The following EMCN variants were observed in gnomAD, a reference collection of about 807,000 sequenced individuals.
EMCN encodes MUC-14.
A neutral mutation model predicts 38.4 loss-of-function variants in EMCN; 37 were observed. That is an observed-to-expected ratio of 0.96 (90% confidence interval 0.74 to 1.27). The LOEUF (loss-of-function observed/expected upper bound fraction) is 1.27, where lower values mean the gene tolerates loss of function less well. EMCN is among the 50% of genes most tolerant of loss of function. The pLI is 0.00. For synonymous variants in EMCN, 95 were observed against 100.8 expected (o/e 0.94, Z 0.35); for missense variants, 318 against 302.8 (o/e 1.05, Z -0.37).
At chr4:100,420,386 A>T (rs1451004465) in intron 8 of EMCN, among the ~76,000 whole-genome samples, 1 of 152,002 alleles carries the variant, frequency 6.6e-6, no homozygotes, top group Non-Finnish European at 1.5e-5. Context: ...GGTAAGTTGG[A>T]GATTAGGTAT....
intron 4 of EMCN, among the ~76,000 whole-genome samples, chr4:100,457,293 T>C (rs1387802580): frequency 2.0e-5 from 3 of 152,044 alleles, no homozygotes; most frequent in Admixed American, 1.3e-4. Context: ...TCTATATGAC[T>C]GCTTTTAATT....
chr4:100,479,788 C>T (rs879684904), intron 2 of EMCN, 129 bp downstream of exon 2: 1 of 742,534 alleles, frequency 1.3e-6, no homozygotes, highest in Non-Finnish European at 2.0e-6. Context: ...ATTTCAAAAT[C>T]GTGAAATAGC....
chr4:100,465,147 T>C (rs1728279407), intron 4 of EMCN, among the ~76,000 whole-genome samples: 1 of 152,002 alleles, frequency 6.6e-6, no homozygotes, highest in Non-Finnish European at 1.5e-5. Context: ...AGTTGTCTAA[T>C]TTTTTGGCTG....
intron 4 of EMCN, among the ~76,000 whole-genome samples, chr4:100,455,572 C>T (rs1159799517): frequency 7.0e-6 from 1 of 143,088 alleles, no homozygotes; most frequent in Non-Finnish European, 1.5e-5. Flanking sequence ...ATGCATTGTT[C>T]CTGATGAGTC....
intron 4 of EMCN, among the ~76,000 whole-genome samples, chr4:100,450,739 G>A (rs529275777): frequency 6.6e-6 from 1 of 151,748 alleles, no homozygotes; most frequent in African/African-American, 2.4e-5. Context: ...TAATTAAATC[G>A]CATATGAGAA....
intron 1 of EMCN, among the ~76,000 whole-genome samples, chr4:100,495,765 G>A (rs576864691): frequency 6.6e-6 from 1 of 152,054 alleles, no homozygotes; most frequent in African/African-American, 2.4e-5. Flanking sequence ...AACTTTTATA[G>A]CATTAACATT....
chr4:100,403,076 T>G (rs995512214), intron 11 of EMCN, among the ~76,000 whole-genome samples: 48 of 152,260 alleles, frequency 3.2e-4, no homozygotes, highest in African/African-American at 1.1e-3. Context: ...TCCTTTTTTT[T>G]CCTTTAAAAC....
chr4:100,423,499 C>A, intron 5 of EMCN, 95 bp from the exon 6 acceptor site: 1 of 805,534 alleles, frequency 1.2e-6, no homozygotes, highest in Non-Finnish European at 2.2e-6. Context: ...TTCTGAAGAT[C>A]TGTGAAAACT....
intron 7 of EMCN, among the ~76,000 whole-genome samples, chr4:100,421,681 C>T (rs1224208229): frequency 6.6e-6 from 1 of 151,948 alleles, no homozygotes; most frequent in Non-Finnish European, 1.5e-5. Flanking sequence ...AGAAGATGTA[C>T]TCTAGATTAT....
At chr4:100,403,264 G>C (rs937938799) in intron 11 of EMCN, among the ~76,000 whole-genome samples, 1 of 151,946 alleles carries the variant, frequency 6.6e-6, no homozygotes, top group Non-Finnish European at 1.5e-5. Context: ...TTTAGTGCTT[G>C]GCACCCCCTT....
At chr4:100,435,389 T>C (rs972121917) in intron 5 of EMCN, among the ~76,000 whole-genome samples, 1 of 152,056 alleles carries the variant, frequency 6.6e-6, no homozygotes, top group Non-Finnish European at 1.5e-5. Flanking sequence ...CACAAACAAA[T>C]GGAAAAACAT....
At chr4:100,400,287 T>C in intron 11 of EMCN, among the ~76,000 whole-genome samples, 1 of 124,472 alleles carries the variant, frequency 8.0e-6, no homozygotes, top group Non-Finnish European at 1.9e-5. Flanking sequence ...GTTTCACAAT[T>C]CTTTTCCTAT....
chr4:100,485,056 A>C (rs115282738), intron 1 of EMCN, among the ~76,000 whole-genome samples: 1 of 152,138 alleles, frequency 6.6e-6, no homozygotes, highest in Non-Finnish European at 1.5e-5. Flanking sequence ...AAAGAAAATG[A>C]TTTCTTCAAA....
intron 5 of EMCN, among the ~76,000 whole-genome samples, chr4:100,438,828 T>C (rs1727427307): frequency 6.6e-6 from 1 of 152,076 alleles, no homozygotes; most frequent in Admixed American, 6.6e-5. Flanking sequence ...ATGCTTTTTC[T>C]GTGTCAAGAT....
At chr4:100,477,269 T>A (rs369861580) in intron 2 of EMCN, among the ~76,000 whole-genome samples, 1 of 151,744 alleles carries the variant, frequency 6.6e-6, no homozygotes, top group Non-Finnish European at 1.5e-5. Flanking sequence ...CTTAAAAAAA[T>A]TAAATTTCAA....
chr4:100,423,407 G>A lies in EMCN; in HGVS notation c.416-3C>T. 2 of 1,600,936 alleles carry A rather than the reference G, an allele frequency of 1.2e-6. No individual in the cohort carries two copies. Among genetic ancestry groups the A allele is most frequent in the Non-Finnish European group, 1.7e-6 (2 of 1,168,440 alleles). ...TGCATCTGGTTGTAGAACACTACCTGTATGAAAATTACAAATGCAGAATCA... is the reference window on the plus strand; with the variant it reads ...TGCATCTGGTTGTAGAACACTACCTATATGAAAATTACAAATGCAGAATCA... On this transcript the variant is annotated splice_polypyrimidine_tract_variant and splice_region_variant and intron_variant, in intron 5 of 11. Coordinates refer to ENST00000296420, the MANE Select transcript of EMCN (RefSeq NM_016242.4).
At position 100,517,311 on chromosome 4, in the gene EMCN, G is replaced by T. The variant is rs571911303; in HGVS notation, c.64+540C>A. Among the ~76,000 whole-genome samples, 6 of 152,124 alleles carry T rather than the reference G, an allele frequency of 3.9e-5. No individual in the cohort carries two copies. The East Asian group carries it at 1.2e-3, about 29-fold the overall frequency. ...CATATTTCTTCAGCAAAAATCTATA[G>T]ACTGTAATCAAATGAATCTCTCTCT... On this transcript the variant is annotated intron_variant, in intron 1 of 11. Transcript: ENST00000296420.
chr4:100,427,767 T>C (rs1048751209), intron 5 of EMCN, among the ~76,000 whole-genome samples: 46 of 152,276 alleles, frequency 3.0e-4, no homozygotes, highest in African/African-American at 1.1e-3. Context: ...TCTGGATTTA[T>C]AAATCCGGAT....
chr4:100,432,679 A>G (rs6840741), intron 5 of EMCN, among the ~76,000 whole-genome samples: 4,699 of 152,210 alleles, frequency 0.031, 255 homozygotes, highest in African/African-American at 0.11. Context: ...TAATTTTCTC[A>G]TGTTAAGCAT....
Sources: allele counts gnomAD v4.1 joint callset (sites outside exome capture counted in the v4.1 genomes callset), GRCh38; gene constraint gnomAD v4.1.1; transcripts MANE v1.5; gene names NCBI Gene and HGNC (gene_info 2026-07-23, HGNC 2026-07-21).